The following MYRIP variants were observed in gnomAD, a reference collection of about 807,000 sequenced individuals.
The protein encoded by MYRIP is rab effector MyRIP.
Under a neutral mutation model 98.0 loss-of-function variants are expected in MYRIP, and 49 were observed. The observed-to-expected ratio is 0.50, with a 90% CI of 0.40 to 0.63. MYRIP has a LOEUF of 0.63. Ranked by LOEUF, MYRIP falls within the 30% of genes least tolerant of loss-of-function variation. The pLI is 0.00. For missense variants in MYRIP, 1,004 were observed against 1,058.2 expected (o/e 0.95, Z 0.71); for synonymous variants, 404 against 409.5 (o/e 0.99, Z 0.16).
intron 3 of MYRIP, among the ~76,000 whole-genome samples, chr3:40,066,515 C>A (rs1210970631): frequency 2.6e-5 from 4 of 152,152 alleles, no homozygotes; most frequent in Admixed American, 6.5e-5. Flanking sequence ...ACTTTAATAA[C>A]AATTTTAGTC....
At chr3:39,924,558 A>G (rs570936394) in intron 2 of MYRIP, among the ~76,000 whole-genome samples, 7 of 152,250 alleles carry the variant, frequency 4.6e-5, no homozygotes, top group Admixed American at 1.3e-4. Context: ...AACCTCTCCC[A>G]ACAACCGATA....
At chr3:39,957,975 A>T (rs1401720106) in intron 2 of MYRIP, among the ~76,000 whole-genome samples, 2 of 152,214 alleles carry the variant, frequency 1.3e-5, no homozygotes, top group South Asian at 2.1e-4. Context: ...CTTACAAGGG[A>T]TGTGAAGGAC....
chr3:40,062,664 G>A (rs1264118131), intron 3 of MYRIP, among the ~76,000 whole-genome samples: 1 of 152,090 alleles, frequency 6.6e-6, no homozygotes, highest in Non-Finnish European at 1.5e-5. Context: ...ACATTTTAAC[G>A]TTTCTGAAAT....
chr3:40,014,982 C>T (rs1026284149), intron 2 of MYRIP, among the ~76,000 whole-genome samples: 11 of 152,138 alleles, frequency 7.2e-5, no homozygotes, highest in Admixed American at 6.5e-5. Flanking sequence ...CTGTCCAGAC[C>T]GTGTGCCCAG....
At chr3:40,134,177 C>T (rs952568497) in intron 3 of MYRIP, among the ~76,000 whole-genome samples, 1 of 152,254 alleles carries the variant, frequency 6.6e-6, no homozygotes, top group Non-Finnish European at 1.5e-5. Context: ...AATCCCGTTA[C>T]TCCCACCCTA....
At chr3:39,826,560 T>A (rs551485759) in intron 1 of MYRIP, among the ~76,000 whole-genome samples, 1 of 152,318 alleles carries the variant, frequency 6.6e-6, no homozygotes, top group South Asian at 2.1e-4. Flanking sequence ...AGACTTGTTT[T>A]GTGTCCTAAC....
At chr3:39,882,352 C>T (rs941080925) in intron 1 of MYRIP, among the ~76,000 whole-genome samples, 3 of 152,100 alleles carry the variant, frequency 2.0e-5, no homozygotes, top group Admixed American at 1.3e-4. Flanking sequence ...TAGGCTTGTA[C>T]GTTGGGCAAC....
At chr3:40,108,544 G>A (rs1203772544) in intron 3 of MYRIP, among the ~76,000 whole-genome samples, 1 of 152,144 alleles carries the variant, frequency 6.6e-6, no homozygotes, top group Non-Finnish European at 1.5e-5. Context: ...ATGAGGGACA[G>A]AAAGGAAACC....
intron 1 of MYRIP, among the ~76,000 whole-genome samples, chr3:39,871,810 T>C (rs1942797564): frequency 6.6e-6 from 1 of 152,094 alleles, no homozygotes; most frequent in Non-Finnish European, 1.5e-5. Flanking sequence ...AGAATTATTT[T>C]TTAATTTTTA....
chr3:39,919,791 C>T (rs1458483270), intron 2 of MYRIP, among the ~76,000 whole-genome samples: 3 of 151,700 alleles, frequency 2.0e-5, no homozygotes, highest in African/African-American at 7.3e-5. Context: ...TTCCTTGGTA[C>T]ACTATTTATT....
intron 12 of MYRIP, among the ~76,000 whole-genome samples, chr3:40,237,070 A>G (rs759700610): frequency 6.6e-6 from 1 of 152,168 alleles, no homozygotes; most frequent in Non-Finnish European, 1.5e-5. Flanking sequence ...TAATCCCAGC[A>G]CTTTGGGAGG....
chr3:39,815,731 A>G (rs938605183), intron 1 of MYRIP, among the ~76,000 whole-genome samples: 5 of 152,178 alleles, frequency 3.3e-5, no homozygotes, highest in African/African-American at 7.2e-5. Context: ...GGCCTCTGGC[A>G]TAATGTAGAG....
chr3:40,000,553 C>A (rs1946495814), intron 2 of MYRIP, among the ~76,000 whole-genome samples: 1 of 152,192 alleles, frequency 6.6e-6, no homozygotes, highest in Non-Finnish European at 1.5e-5. Context: ...ATGCCCAGAG[C>A]TAGCCCTGGC....
intron 3 of MYRIP, among the ~76,000 whole-genome samples, chr3:40,087,534 A>G (rs1341636288): frequency 6.6e-6 from 1 of 152,166 alleles, no homozygotes; most frequent in Non-Finnish European, 1.5e-5. Flanking sequence ...GTGTGAATGT[A>G]ATAGGTTAAG....
chr3:39,830,832 G>GA lies in MYRIP; in HGVS notation c.-31+20924dup, dbSNP rs555547250. On this transcript the variant is annotated intron_variant, in intron 1 of 16. Coordinates refer to ENST00000302541, the MANE Select transcript of MYRIP (RefSeq NM_015460.4). ...TTTCTTTGCTTTCCTGTATAAAAAA[G>GA]AAAAAAAACTGCTAAAAAAGAGTTG... Among the ~76,000 whole-genome samples the GA allele has an allele frequency of 9.6e-4, 146 of 151,590 alleles. 1 individual carries two copies. The highest frequency in any genetic ancestry group is 8.2e-3 in the Admixed American group (125 of 15,212).
At chr3:40,033,998 C>A (rs1391648214) in intron 2 of MYRIP, among the ~76,000 whole-genome samples, 1 of 152,000 alleles carries the variant, frequency 6.6e-6, no homozygotes, top group African/African-American at 2.4e-5. Context: ...ATAAATGGTG[C>A]TGGGAAAACT....
intron 3 of MYRIP, among the ~76,000 whole-genome samples, chr3:40,134,251 C>T (rs936702802): frequency 4.6e-5 from 7 of 152,322 alleles, no homozygotes; most frequent in South Asian, 4.1e-4. Flanking sequence ...GCACCTGGCT[C>T]GGAGGGTCCT....
chr3:40,158,841 T>C (rs1950308376), intron 4 of MYRIP, among the ~76,000 whole-genome samples: 1 of 148,780 alleles, frequency 6.7e-6, no homozygotes, highest in African/African-American at 2.6e-5. Context: ...TTGTTTTCCA[T>C]TTGCTTGGTA....
chr3:40,077,036 T>TG (rs1948358663), intron 3 of MYRIP, among the ~76,000 whole-genome samples: 1 of 152,138 alleles, frequency 6.6e-6, no homozygotes, highest in Non-Finnish European at 1.5e-5. Flanking sequence ...CGTGGACCCT[T>TG]GCGGTGAGTG....
Sources: gnomAD v4.1 joint callset for allele counts (sites outside exome capture counted in the v4.1 genomes callset) on GRCh38, gnomAD v4.1.1 for gene constraint, MANE v1.5 for transcripts, NCBI Gene and HGNC (gene_info 2026-07-23, HGNC 2026-07-21) for gene names.